BABAM2: variants seen among roughly 807,000 people sequenced by gnomAD.
BABAM2 encodes BRISC and BRCA1 A complex member 2, also known as BRISC and BRCA1-A complex member 2.
A neutral mutation model predicts 54.7 loss-of-function variants in BABAM2; 31 were observed. That is an observed-to-expected ratio of 0.57 (90% CI 0.43 to 0.77). The LOEUF (loss-of-function observed/expected upper bound fraction) is 0.77, where lower values mean the gene tolerates loss of function less well. Ranked by LOEUF, BABAM2 falls within the 30% of genes least tolerant of loss-of-function variation. The probability of loss-of-function intolerance (pLI) is 0.00; values close to 1 mark genes in which losing one functional copy is unlikely to be tolerated. For missense variants in BABAM2, 364 were observed against 455.8 expected (o/e 0.80, Z 1.83); for synonymous variants, 167 against 162.9 (o/e 1.03, Z -0.19).
intron 2 of BABAM2, among the ~76,000 whole-genome samples, chr2:27,906,106 G>A (rs893444501): frequency 2.6e-5 from 4 of 152,182 alleles, no homozygotes; most frequent in Admixed American, 1.3e-4. Context: ...GGGCATAAGC[G>A]GTGGGCTGTT....
At chr2:28,315,491 CAG>C (rs1326967002) in intron 11 of BABAM2, among the ~76,000 whole-genome samples, 1 of 138,876 alleles carries the variant, frequency 7.2e-6, no homozygotes, top group African/African-American at 2.7e-5. Context: ...CTTTTCGAGA[CAG>C]AGTCTCACTC....
chr2:28,232,750 G>A (rs1401569463), intron 7 of BABAM2, among the ~76,000 whole-genome samples: 1 of 152,150 alleles, frequency 6.6e-6, no homozygotes, highest in Non-Finnish European at 1.5e-5. Flanking sequence ...CATATATGGG[G>A]TCCATCATTA....
chr2:27,950,214 T>A (rs1368344064), intron 3 of BABAM2, among the ~76,000 whole-genome samples: 1 of 152,164 alleles, frequency 6.6e-6, no homozygotes, highest in East Asian at 1.9e-4. Flanking sequence ...ATGAAAGCAA[T>A]AACTAACTCT....
At position 28,179,313 on chromosome 2, in the gene BABAM2, G is replaced by A. The variant is rs1208130676; in HGVS notation, c.680+49933G>A. 4.6e-5 allele frequency among the ~76,000 whole-genome samples: 7 copies of A among 152,270 alleles called. No individual in the cohort carries two copies. The East Asian group carries it at 1.4e-3, about 29-fold the overall frequency. On this transcript the variant is annotated intron_variant, in intron 7 of 11. Coordinates refer to ENST00000379624, the MANE Select transcript of BABAM2 (RefSeq NM_199191.3). The stretch of plus-strand genomic sequence containing the variant: ...ATTAAGTGGGATTTATCCCAGAGAT[G>A]CAAGGATGGTTCAACATACACAAAT...
chr2:28,277,510 A>T (rs1325056843), intron 10 of BABAM2, among the ~76,000 whole-genome samples: 1 of 152,224 alleles, frequency 6.6e-6, no homozygotes, highest in East Asian at 1.9e-4. Flanking sequence ...ATATTTGCCA[A>T]AGAAACATGG....
At chr2:28,247,940 G>T (rs1331011905) in intron 10 of BABAM2, among the ~76,000 whole-genome samples, 2 of 152,164 alleles carry the variant, frequency 1.3e-5, no homozygotes, top group Non-Finnish European at 2.9e-5. Context: ...CAGGAGTGGG[G>T]ACTGTGGCCA....
chr2:28,272,043 A>G (rs56368218), intron 10 of BABAM2, among the ~76,000 whole-genome samples: 18,627 of 152,178 alleles, frequency 0.12, 1,317 homozygotes, highest in African/African-American at 0.18. Flanking sequence ...GTTGGCTGGT[A>G]GAGAATTGGG....
At chr2:28,183,773 A>ACACACACACACG (rs1166881991) in intron 7 of BABAM2, among the ~76,000 whole-genome samples, 15 of 151,736 alleles carry the variant, frequency 9.9e-5, no homozygotes, top group Non-Finnish European at 2.2e-4. Context: ...ACACACACAC[A>ACACACACACACG]CGTACATTGA....
At chr2:28,054,504 G>T (rs192838600) in intron 6 of BABAM2, among the ~76,000 whole-genome samples, 148 of 152,228 alleles carry the variant, frequency 9.7e-4, no homozygotes, top group Non-Finnish European at 1.6e-3. Flanking sequence ...AATCCCCAAG[G>T]TGATGGTATT....
At chr2:28,335,591 G>A (rs1157351138) in intron 11 of BABAM2, among the ~76,000 whole-genome samples, 1 of 152,238 alleles carries the variant, frequency 6.6e-6, no homozygotes, top group Non-Finnish European at 1.5e-5. Flanking sequence ...ACTGAGCCAG[G>A]CCTAGTGGTC....
At chr2:27,986,451 G>C (rs1436281155) in intron 3 of BABAM2, among the ~76,000 whole-genome samples, 1 of 151,996 alleles carries the variant, frequency 6.6e-6, no homozygotes, top group African/African-American at 2.4e-5. Context: ...AGGTGATCTG[G>C]GCCTGGAAGG....
chr2:28,160,548 A>C (rs1335646516), intron 7 of BABAM2, among the ~76,000 whole-genome samples: 1 of 152,128 alleles, frequency 6.6e-6, no homozygotes, highest in African/African-American at 2.4e-5. Context: ...AATGCACACG[A>C]TCACACAAAT....
intron 7 of BABAM2, among the ~76,000 whole-genome samples, chr2:28,188,228 C>A (rs919953911): frequency 6.6e-6 from 1 of 152,302 alleles, no homozygotes; most frequent in Admixed American, 6.5e-5. Flanking sequence ...ATTCTACCTA[C>A]ACATTGGCAT....
At chr2:28,119,413 A>C (rs908736146) in intron 6 of BABAM2, among the ~76,000 whole-genome samples, 2 of 152,190 alleles carry the variant, frequency 1.3e-5, no homozygotes, top group African/African-American at 4.8e-5. Flanking sequence ...TGGCCTCCAG[A>C]GTAGGGGCTC....
chr2:28,107,806 C>G (rs187262265), intron 6 of BABAM2, among the ~76,000 whole-genome samples: 5 of 152,236 alleles, frequency 3.3e-5, no homozygotes, highest in Non-Finnish European at 7.4e-5. Context: ...TCCTTAGTGC[C>G]TTTAGGTGTT....
At chr2:28,337,250 C>T (rs1691550617) in intron 11 of BABAM2, among the ~76,000 whole-genome samples, 1 of 152,082 alleles carries the variant, frequency 6.6e-6, no homozygotes, top group Non-Finnish European at 1.5e-5. Flanking sequence ...CCTTCTCCTC[C>T]CCTCACTTTT....
At chr2:27,901,128 A>T (rs1245367959) in intron 2 of BABAM2, among the ~76,000 whole-genome samples, 1 of 151,988 alleles carries the variant, frequency 6.6e-6, no homozygotes, top group African/African-American at 2.4e-5. Flanking sequence ...ACAGACTGAG[A>T]TCTGAAGGGA....
chr2:27,952,588 A>G (rs1221363273), intron 3 of BABAM2, among the ~76,000 whole-genome samples: 2 of 152,072 alleles, frequency 1.3e-5, no homozygotes, highest in Non-Finnish European at 2.9e-5. Context: ...CTTTTTCTTT[A>G]TTATTCTGGC....
At chr2:28,073,950 C>G (rs1664410148) in intron 6 of BABAM2, among the ~76,000 whole-genome samples, 1 of 151,890 alleles carries the variant, frequency 6.6e-6, no homozygotes, top group Admixed American at 6.6e-5. Flanking sequence ...AAGCAATATC[C>G]AGGTTTTTAT....
Sources: allele counts gnomAD v4.1 joint callset (sites outside exome capture counted in the v4.1 genomes callset), GRCh38; gene constraint gnomAD v4.1.1; transcripts MANE v1.5; gene names NCBI Gene and HGNC (gene_info 2026-07-23, HGNC 2026-07-21).